FGF12: variants seen among roughly 807,000 people sequenced by gnomAD.
The protein encoded by FGF12 is fibroblast growth factor 12B.
Under a neutral mutation model 23.6 loss-of-function variants are expected in FGF12, and 14 were observed. The ratio of observed to expected loss-of-function variants is 0.59; its 90% confidence interval spans 0.39 to 0.93. The LOEUF (loss-of-function observed/expected upper bound fraction) is 0.93. Among genes scored for constraint, FGF12 ranks in the 40% least tolerant of loss-of-function variants. FGF12 has a pLI of 0.00. For synonymous variants in FGF12, 62 were observed against 77.3 expected (o/e 0.80, Z 1.04); for missense variants, 175 against 217.8 (o/e 0.80, Z 1.24).
intron 2 of FGF12, among the ~76,000 whole-genome samples, chr3:192,450,496 G>GT (rs1474067191): frequency 6.6e-6 from 1 of 152,170 alleles, no homozygotes; most frequent in Non-Finnish European, 1.5e-5. Context: ...AGGATACTGA[G>GT]TAGATTAACA....
At chr3:192,165,722 T>C (rs191247589) in intron 5 of FGF12, among the ~76,000 whole-genome samples, 1 of 152,330 alleles carries the variant, frequency 6.6e-6, no homozygotes, top group East Asian at 1.9e-4. Context: ...ACTATTCAAA[T>C]TGCATCATAG....
At position 192,186,843 on chromosome 3, in the gene FGF12, T is replaced by C. The variant is rs138113385; in HGVS notation, c.229-16187A>G. ...GGTTCAATTGTTGATAAGCAGTTAG[T>C]ATTTGATTTTGGTTCCCCCTGAAAT... On this transcript the variant is annotated intron_variant, in intron 4 of 5. Transcript: ENST00000445105. Among the ~76,000 whole-genome samples the C allele has an allele frequency of 2.9e-3, 448 of 152,340 alleles. 3 individuals are homozygous for C. The highest frequency in any genetic ancestry group is 9.3e-3 in the Admixed American group (142 of 15,300).
intron 2 of FGF12, among the ~76,000 whole-genome samples, chr3:192,718,352 A>T (rs1177532177): frequency 6.6e-6 from 1 of 151,980 alleles, no homozygotes; most frequent in Non-Finnish European, 1.5e-5. Context: ...TGCTAAGCAA[A>T]AATGCCATCA....
intron 2 of FGF12, among the ~76,000 whole-genome samples, chr3:192,530,632 T>C (rs1327270198): frequency 1.3e-5 from 2 of 152,188 alleles, no homozygotes; most frequent in Non-Finnish European, 2.9e-5. Context: ...AGTAGAAAGC[T>C]TTTGAAGGAT....
At chr3:192,641,959 A>G (rs1715822774) in intron 2 of FGF12, among the ~76,000 whole-genome samples, 1 of 152,172 alleles carries the variant, frequency 6.6e-6, no homozygotes. Context: ...CCTTCTCTAA[A>G]TGACGTCTGT....
chr3:192,652,461 C>A (rs1406643046), intron 2 of FGF12, among the ~76,000 whole-genome samples: 1 of 152,148 alleles, frequency 6.6e-6, no homozygotes, highest in Non-Finnish European at 1.5e-5. Flanking sequence ...GAAAGCCAGA[C>A]CAGCCCTGAG....
intron 2 of FGF12, among the ~76,000 whole-genome samples, chr3:192,652,263 G>A (rs1577100123): frequency 6.6e-6 from 1 of 152,172 alleles, no homozygotes; most frequent in East Asian, 1.9e-4. Context: ...ACAGCCTCTG[G>A]CATTTAGCTA....
At chr3:192,316,684 A>C (rs1045453804) in intron 4 of FGF12, among the ~76,000 whole-genome samples, 3 of 152,146 alleles carry the variant, frequency 2.0e-5, no homozygotes, top group Non-Finnish European at 4.4e-5. Flanking sequence ...CAAAGCCTGC[A>C]ATTCCTGGAC....
chr3:192,548,315 G>A (rs77403454), intron 2 of FGF12, among the ~76,000 whole-genome samples: 4,062 of 152,060 alleles, frequency 0.027, 180 homozygotes, highest in African/African-American at 0.092. Context: ...TATAAAACAC[G>A]AATCAGAAAT....
chr3:192,280,222 G>A (rs762754057), intron 4 of FGF12, among the ~76,000 whole-genome samples: 1 of 152,088 alleles, frequency 6.6e-6, no homozygotes, highest in African/African-American at 2.4e-5. Context: ...CAAATGTAAT[G>A]AGGTTTTTTT....
chr3:192,639,657 G>A (rs529313074), intron 2 of FGF12, among the ~76,000 whole-genome samples: 4 of 152,294 alleles, frequency 2.6e-5, no homozygotes, highest in Admixed American at 6.5e-5. Context: ...AAACATTTGA[G>A]ACAAAAACTG....
intron 2 of FGF12, among the ~76,000 whole-genome samples, chr3:192,683,721 G>A (rs1342278812): frequency 6.6e-6 from 1 of 152,012 alleles, no homozygotes; most frequent in Non-Finnish European, 1.5e-5. Flanking sequence ...TACTCTGCGG[G>A]GCTTATTTTT....
rs562094522 is a variant in FGF12, at chr3:192,179,379, T to A, written c.229-8723A>T. On this transcript the variant is annotated intron_variant, in intron 4 of 5. Transcript: ENST00000445105. ...GAAACAAGGTAAATTTATACCATCA[T>A]AAAATAATGCAACCTGTGACGTACT... is the stretch of plus-strand genomic sequence containing the variant. Among the ~76,000 whole-genome samples, 6 of 152,302 alleles carry A rather than the reference T, an allele frequency of 3.9e-5. No homozygotes were observed. The South Asian group carries it at 1.2e-3, about 32-fold the overall frequency.
chr3:192,616,705 G>A (rs1420311978), intron 2 of FGF12, among the ~76,000 whole-genome samples: 1 of 151,916 alleles, frequency 6.6e-6, no homozygotes, highest in Non-Finnish European at 1.5e-5. Context: ...TTCCAGCTTG[G>A]TTGCATGTGG....
intron 2 of FGF12, among the ~76,000 whole-genome samples, chr3:192,552,180 G>T (rs1445709933): frequency 1.2e-4 from 18 of 151,944 alleles, no homozygotes; most frequent in Admixed American, 1.2e-3. Context: ...CTACAATAAA[G>T]GGTCAATGAA....
intron 2 of FGF12, among the ~76,000 whole-genome samples, chr3:192,635,062 G>A (rs1342540788): frequency 6.6e-6 from 1 of 152,108 alleles, no homozygotes; most frequent in Non-Finnish European, 1.5e-5. Context: ...TTTTTGCCAT[G>A]TTGGCCAAGC....
chr3:192,641,431 T>C (rs1273459633), intron 2 of FGF12, among the ~76,000 whole-genome samples: 2 of 121,332 alleles, frequency 1.6e-5, no homozygotes, highest in Non-Finnish European at 3.4e-5. Flanking sequence ...TGAGACAGAG[T>C]TTCACTCTTG....
At chr3:192,506,847 A>G (rs1330766006) in intron 2 of FGF12, among the ~76,000 whole-genome samples, 1 of 151,362 alleles carries the variant, frequency 6.6e-6, no homozygotes, top group African/African-American at 2.4e-5. Context: ...CAGAGAGGAT[A>G]TAACGGCGAA....
chr3:192,649,128 A>G (rs547875326), intron 2 of FGF12, among the ~76,000 whole-genome samples: 1 of 152,262 alleles, frequency 6.6e-6, no homozygotes, highest in South Asian at 2.1e-4. Flanking sequence ...TCTCAAATCA[A>G]TACGCCTATA....
Sources: gnomAD v4.1 joint callset for allele counts (sites outside exome capture counted in the v4.1 genomes callset) on GRCh38, gnomAD v4.1.1 for gene constraint, MANE v1.5 for transcripts, NCBI Gene and HGNC (gene_info 2026-07-23, HGNC 2026-07-21) for gene names.